ARAP2: variants seen among roughly 807,000 people sequenced by gnomAD.
ARAP2 encodes the protein ArfGAP with RhoGAP domain, ankyrin repeat and PH domain 2.
A neutral mutation model predicts 194.5 loss-of-function variants in ARAP2; 148 were observed. That is an observed-to-expected ratio of 0.76 (90% CI 0.67 to 0.87). The LOEUF (loss-of-function observed/expected upper bound fraction) is 0.87. ARAP2 is among the 40% of genes least tolerant of loss of function. The pLI is 0.00. For missense variants in ARAP2, 2,128 were observed against 1,989.7 expected (o/e 1.07, Z -1.32); for synonymous variants, 695 against 683.5 (o/e 1.02, Z -0.26).
chr4:36,012,954 T>A (rs374642019), intron 8 of ARAP2: 1 of 152,338 alleles, frequency 6.6e-6, no homozygotes, highest in East Asian at 1.9e-4. Context: ...TTAAAATATA[T>A]ACAAATAAAA....
In ARAP2 at chr4:36,244,448, A is replaced by G. The variant is rs1380474685; in HGVS notation, c.-429T>C. The G allele has an allele frequency of 6.7e-6, 1 of 149,968 alleles. No individual in the cohort carries two copies. Among genetic ancestry groups the G allele is most frequent in the Non-Finnish European group, 1.5e-5 (1 of 67,184 alleles). 9.3% of individuals were successfully genotyped at this position (149,968 alleles called of 1,614,324 possible). A position where few individuals can be genotyped will look rare whatever the true frequency, so the allele number is the denominator to read the frequency against. On this transcript the variant is annotated 5_prime_UTR_variant, in exon 1 of 33. Coordinates refer to ENST00000303965, the MANE Select transcript of ARAP2 (RefSeq NM_015230.4). Reference sequence around the variant, plus strand: ...CCGCGGACCCGCGCTCAGCTCCGGAAACGCCGAGCCCGGCGCCCGCGCCTT... The same window carrying G: ...CCGCGGACCCGCGCTCAGCTCCGGAGACGCCGAGCCCGGCGCCCGCGCCTT...
At chr4:36,053,286 G>A (rs374815678) in intron 2 of ARAP2, among the ~76,000 whole-genome samples, 12 of 151,858 alleles carry the variant, frequency 7.9e-5, no homozygotes, top group African/African-American at 2.9e-4. Flanking sequence ...TTACAGGCAT[G>A]AGCCACCGCG....
Position 36,187,526 on chromosome 4 carries a change from C to T in ARAP2, c.1603G>A (p.Val535Ile), listed in dbSNP as rs1436261349. 6.4e-6 allele frequency: 10 copies of T among 1,564,932 alleles called. No homozygotes were observed. The highest frequency in any genetic ancestry group is 3.9e-5 in the Admixed American group (2 of 51,538). The change falls in exon 8 of 33, where the codon GTA (valine) becomes ATA (isoleucine). Residue 535 changes from valine to isoleucine, a missense_variant. Transcript: ENST00000303965. Reference sequence around the variant, plus strand: ...AATTTGTTGTCTCCTTGAACTCGTACTGTTGATATAGCAGAAAGGGGAATT... The same window carrying T: ...AATTTGTTGTCTCCTTGAACTCGTATTGTTGATATAGCAGAAAGGGGAATT... ...GIIPLSAIST[V>I]RVQGDNKFEV... is the part of the protein sequence containing the mutation.
At position 36,228,942 on chromosome 4, in the gene ARAP2, A is replaced by G; in HGVS notation, c.545T>C (p.Ile182Thr). 1 of 1,614,042 alleles carries G rather than the reference A, an allele frequency of 6.2e-7. No individual in the cohort carries two copies. Among genetic ancestry groups the G allele is most frequent in the Non-Finnish European group, 8.5e-7 (1 of 1,179,972 alleles). Residue 182 changes from isoleucine to threonine, a missense_variant, in exon 2 of 33, where the codon ATT becomes ACT. Ile to Thr is a moderately conservative substitution (Grantham distance 89, BLOSUM62 -1). Transcript: ENST00000303965. ...GSDNIKIESL[I>T]TKKTVDHTVE... is the part of the protein sequence containing the mutation. ...TGTGTGATCCACAGTCTTCTTTGTA[A>G]TCAATGATTCTATTTTAATATTGTC... is the stretch of plus-strand genomic sequence containing the variant.
chr4:36,170,901 G>A (rs942262741), intron 9 of ARAP2, among the ~76,000 whole-genome samples: 1 of 151,856 alleles, frequency 6.6e-6, no homozygotes, highest in Admixed American at 6.6e-5. Flanking sequence ...GAAGCTTTTG[G>A]TCTAAAAATG....
intron 8 of ARAP2, among the ~76,000 whole-genome samples, chr4:36,184,830 C>A (rs563263356): frequency 9.3e-4 from 142 of 152,252 alleles, no homozygotes; most frequent in African/African-American, 3.4e-3. Context: ...GAAAGACTGT[C>A]ATAATAGTCA....
At chr4:36,150,679 G>A (rs1437955550) in intron 16 of ARAP2, among the ~76,000 whole-genome samples, 2 of 152,026 alleles carry the variant, frequency 1.3e-5, no homozygotes, top group African/African-American at 4.8e-5. Flanking sequence ...ATTCGAAGAT[G>A]CTAGCACTTC....
chr4:36,142,360 A>C (rs760685576), intron 19 of ARAP2, among the ~76,000 whole-genome samples: 3 of 151,634 alleles, frequency 2.0e-5, no homozygotes, highest in Non-Finnish European at 4.4e-5. Flanking sequence ...AGTTTAAGCC[A>C]TCTGAAAACA....
At chr4:36,126,426 C>T (rs1723917799) in intron 21 of ARAP2, among the ~76,000 whole-genome samples, 1 of 151,866 alleles carries the variant, frequency 6.6e-6, no homozygotes, top group East Asian at 1.9e-4. Context: ...ATAGAAAATA[C>T]AATGAGCAAT....
chr4:36,038,579 A>C (rs1720324078), intron 5 of ARAP2, among the ~76,000 whole-genome samples: 1 of 152,210 alleles, frequency 6.6e-6, no homozygotes. Context: ...CAGAGCTATA[A>C]AAGTAGATGC....
At chr4:36,144,382 T>C (rs1729112215) in intron 19 of ARAP2, among the ~76,000 whole-genome samples, 1 of 151,918 alleles carries the variant, frequency 6.6e-6, no homozygotes, top group Non-Finnish European at 1.5e-5. Flanking sequence ...ACTGCATTTA[T>C]GCTAGTATTT....
intron 19 of ARAP2, among the ~76,000 whole-genome samples, chr4:36,135,660 A>G (rs1459690107): frequency 6.6e-6 from 1 of 151,800 alleles, no homozygotes; most frequent in Non-Finnish European, 1.5e-5. Context: ...TATTTGTCTA[A>G]CTGAAATCAT....
intron 1 of ARAP2, among the ~76,000 whole-genome samples, chr4:36,241,680 AAAC>A (rs1753535894): frequency 6.6e-6 from 1 of 152,238 alleles, no homozygotes; most frequent in African/African-American, 2.4e-5. Context: ...CACCACAAAA[AAAC>A]AACTTTTTGC....
chr4:36,149,450 C>G (rs1241816810), intron 16 of ARAP2, among the ~76,000 whole-genome samples: 1 of 152,174 alleles, frequency 6.6e-6, no homozygotes, highest in Non-Finnish European at 1.5e-5. Context: ...TCAGTGCCTA[C>G]ATTATTGAGG....
chr4:36,238,908 C>T (rs1010330934), intron 1 of ARAP2, among the ~76,000 whole-genome samples: 3 of 151,740 alleles, frequency 2.0e-5, no homozygotes, highest in Non-Finnish European at 4.4e-5. Flanking sequence ...TAAGTATTCA[C>T]TGCCCACATG....
At chr4:36,158,918 C>T in intron 14 of ARAP2, 54 bp from the exon 15 acceptor site, 1 of 1,512,042 alleles carries the variant, frequency 6.6e-7, no homozygotes, top group Non-Finnish European at 8.9e-7. Flanking sequence ...AACAATTTTC[C>T]TTTTGTTTAT....
At chr4:36,203,477 A>G (rs544855136) in intron 6 of ARAP2, among the ~76,000 whole-genome samples, 2 of 152,148 alleles carry the variant, frequency 1.3e-5, no homozygotes, top group African/African-American at 2.4e-5. Flanking sequence ...CCAGCTACTC[A>G]GGAGGCTGAG....
At chr4:36,035,941 T>G (rs1235785558) in intron 5 of ARAP2, among the ~76,000 whole-genome samples, 1 of 152,156 alleles carries the variant, frequency 6.6e-6, no homozygotes, top group East Asian at 1.9e-4. Context: ...AAAAATCAGA[T>G]GATGATTTTG....
At chr4:36,228,462 G>A (rs1033711078) in intron 2 of ARAP2, 120 bp downstream of exon 2, 12 of 1,021,532 alleles carry the variant, frequency 1.2e-5, no homozygotes, top group Non-Finnish European at 1.5e-5. Context: ...AGAAAAGGTT[G>A]GTTGAATAGG....
Sources: gnomAD v4.1 joint callset for allele counts (sites outside exome capture counted in the v4.1 genomes callset) on GRCh38, gnomAD v4.1.1 for gene constraint, MANE v1.5 for transcripts, NCBI Gene and HGNC (gene_info 2026-07-23, HGNC 2026-07-21) for gene names.